DNM1L: variants seen among roughly 807,000 people sequenced by gnomAD.
The protein encoded by DNM1L is dynamin-1-like protein.
A neutral mutation model predicts 92.8 loss-of-function variants in DNM1L; 33 were observed. The ratio of observed to expected loss-of-function variants is 0.36; its 90% CI spans 0.27 to 0.48. The LOEUF is 0.48. Among genes scored for constraint, DNM1L ranks in the 20% least tolerant of loss-of-function variants. DNM1L has a pLI of 0.99. For synonymous variants in DNM1L, 284 were observed against 305.0 expected, an observed-to-expected ratio of 0.93 and a Z score of 0.72; for missense variants, 485 against 888.8, an observed-to-expected ratio of 0.55 and a Z score of 5.78.
chr12:32,733,314 G>A (rs1010345338), intron 12 of DNM1L: 4 of 216,982 alleles, frequency 1.8e-5, no homozygotes, highest in East Asian at 1.3e-4. Context: ...GCCTTGTTAC[G>A]AACTTATTTT....
At chr12:32,693,572 C>T (rs920287869) in intron 1 of DNM1L, among the ~76,000 whole-genome samples, 10 of 150,258 alleles carry the variant, frequency 6.7e-5, no homozygotes, top group African/African-American at 2.0e-4. Context: ...TACCCATTTA[C>T]AATGTGTAAT....
chr12:32,717,383 A>T (rs1269983682), intron 6 of DNM1L, among the ~76,000 whole-genome samples: 50 of 86,510 alleles, frequency 5.8e-4, no homozygotes, highest in African/African-American at 1.1e-3. Flanking sequence ...TACTATATAT[A>T]ATATATAGTA....
At chr12:32,689,307 ACTGT>A (rs1952141679) in intron 1 of DNM1L, among the ~76,000 whole-genome samples, 1 of 151,942 alleles carries the variant, frequency 6.6e-6, no homozygotes, top group Non-Finnish European at 1.5e-5. Flanking sequence ...AAGTGATTCT[ACTGT>A]CTCAGCTTCC....
At chr12:32,700,710 C>T (rs1365215350) in intron 1 of DNM1L, among the ~76,000 whole-genome samples, 3 of 152,046 alleles carry the variant, frequency 2.0e-5, no homozygotes, top group Non-Finnish European at 1.5e-5. Context: ...CACACCACTG[C>T]ACTCTAGCCT....
intron 16 of DNM1L, among the ~76,000 whole-genome samples, chr12:32,738,920 T>TTC (rs1275824700): frequency 6.6e-6 from 1 of 152,214 alleles, no homozygotes; most frequent in East Asian, 1.9e-4. Context: ...ATGTCTTATC[T>TTC]TCTCTCAGCC....
In DNM1L at chr12:32,743,692, G is replaced by A. The variant is rs1955472582; in HGVS notation, c.*282G>A. On this transcript the variant is annotated 3_prime_UTR_variant, in exon 20 of 20. Coordinates refer to ENST00000549701, the MANE Select transcript of DNM1L (RefSeq NM_012062.5). ...ACTTAACTTAAAAACAACTGTTAAT[G>A]TTCTAGTTGTGCAAAGCAGTTTGCC... The A allele has an allele frequency of 9.1e-6, 4 of 438,128 alleles. No individual in the cohort carries two copies. Among genetic ancestry groups the A allele is most frequent in the Non-Finnish European group, 1.7e-5 (4 of 241,500 alleles). The allele number at this position is 438,128 out of a possible 1,614,324, so 27.1% of individuals were successfully genotyped here.
intron 9 of DNM1L, among the ~76,000 whole-genome samples, chr12:32,729,610 T>C (rs1045255188): frequency 7.2e-5 from 11 of 151,974 alleles, no homozygotes; most frequent in Admixed American, 7.2e-4. Context: ...CCACCACACC[T>C]GGCTAATTTT....
chr12:32,736,397 G>A (rs555645357), intron 13 of DNM1L, among the ~76,000 whole-genome samples: 4 of 152,088 alleles, frequency 2.6e-5, no homozygotes, highest in African/African-American at 9.6e-5. Flanking sequence ...TACCTATCTT[G>A]GTGCTTGGAT....
At chr12:32,737,388 ATTT>A in intron 14 of DNM1L, 1 of 456,034 alleles carries the variant, frequency 2.2e-6, no homozygotes, top group Non-Finnish European at 3.8e-6. Flanking sequence ...TTAAGCATTT[ATTT>A]AAGCATTTAA....
rs766940045 is a variant in DNM1L, at chr12:32,705,898, TC to T, written c.251-1468del. On this transcript the variant is annotated intron_variant, in intron 2 of 19. Transcript: ENST00000549701. Reference sequence around the variant, plus strand: ...ATCCATTTGCTTTTGACCCTTTTTTTCTCTTATGCCTGCATGTGTGCTTATG... The same window carrying T: ...ATCCATTTGCTTTTGACCCTTTTTTTTCTTATGCCTGCATGTGTGCTTATG... The T allele has an allele frequency of 8.2e-6, 13 of 1,585,652 alleles. No individual in the cohort carries two copies. In the Admixed American group the frequency reaches 1.2e-4, roughly 14 times the overall value.
chr12:32,708,625 T>C (rs948044605), intron 4 of DNM1L, among the ~76,000 whole-genome samples: 2 of 152,120 alleles, frequency 1.3e-5, no homozygotes, highest in African/African-American at 4.8e-5. Context: ...GAGGAGTTCT[T>C]TTCTTACCTG....
intron 9 of DNM1L, chr12:32,727,539 C>T: frequency 1.8e-6 from 1 of 558,480 alleles, no homozygotes; most frequent in Non-Finnish European, 3.2e-6. Context: ...GAAAAAAAAA[C>T]CACTCTTAAT....
intron 1 of DNM1L, among the ~76,000 whole-genome samples, chr12:32,694,636 A>G (rs556873745): frequency 2.5e-4 from 38 of 152,166 alleles, no homozygotes; most frequent in Non-Finnish European, 5.1e-4. Flanking sequence ...AGTTTCCTAA[A>G]TATCTATATG....
chr12:32,707,291 A>T (rs1465840494), intron 2 of DNM1L, 76 bp from the exon 3 acceptor site: 2 of 1,182,402 alleles, frequency 1.7e-6, no homozygotes, highest in Non-Finnish European at 1.2e-6. Context: ...GTGTTTTATT[A>T]TGTTGCCTTT....
Position 32,731,105 on chromosome 12 carries a change from G to T in DNM1L, c.1171G>T (p.Asp391Tyr). 6.2e-7 allele frequency: 1 copy of T among 1,613,892 alleles called. No homozygotes were observed. The highest frequency in any genetic ancestry group is 1.1e-5 in the South Asian group (1 of 91,040). ...TCCACTTGGTGGCCTTAACACTATT[G>T]ACATTTTGACTGCCATTAGAAATGC... ...VDPLGGLNTI[D>Y]ILTAIRNATG... Residue 391 changes from aspartate to tyrosine, a missense_variant, in exon 10 of 20, where the codon GAC becomes TAC. By Grantham distance (160) the Asp-to-Tyr change is radical (BLOSUM62 -3). This residue lies in a region of DNM1L where 19 missense variants were observed against 22.1 expected (regional missense o/e 0.86). Transcript: ENST00000549701. The surrounding 1 kb of genome is among the most constrained non-coding windows in gnomAD (Gnocchi z 5.1).
At chr12:32,711,952 CTAATT>C (rs1953140913) in intron 5 of DNM1L, among the ~76,000 whole-genome samples, 1 of 152,186 alleles carries the variant, frequency 6.6e-6, no homozygotes, top group Non-Finnish European at 1.5e-5. Flanking sequence ...ATCCTTGACA[CTAATT>C]TATCCCACAT....
At chr12:32,684,443 C>G (rs1951917364) in intron 1 of DNM1L, among the ~76,000 whole-genome samples, 2 of 151,444 alleles carry the variant, frequency 1.3e-5, no homozygotes, top group Non-Finnish European at 2.9e-5. Flanking sequence ...GTGATTTGAT[C>G]TTTTGTGCCA....
At position 32,716,446 on chromosome 12, in the gene DNM1L, C is replaced by G. The variant is rs546626018; in HGVS notation, c.620-2197C>G. On this transcript the variant is annotated intron_variant, in intron 6 of 19. Transcript: ENST00000549701. Reference sequence around the variant, plus strand: ...ACCTGGGCTCAGGTGATTCTCCCACCTCAGCCTCACCTGTAGCTAGGACTA... The same window carrying G: ...ACCTGGGCTCAGGTGATTCTCCCACGTCAGCCTCACCTGTAGCTAGGACTA... Among the ~76,000 whole-genome samples, 4 of 152,206 alleles carry G rather than the reference C, an allele frequency of 2.6e-5. No homozygotes were observed. The South Asian group carries it at 8.3e-4, about 32-fold the overall frequency.
chr12:32,725,205 C>T (rs1183732197), intron 9 of DNM1L: 2 of 151,964 alleles, frequency 1.3e-5, no homozygotes, highest in African/African-American at 4.8e-5. Context: ...TCTCCTTCTA[C>T]CTGAATTGGT....
Sources: gnomAD v4.1 joint callset for allele counts (sites outside exome capture counted in the v4.1 genomes callset) on GRCh38, gnomAD v4.1.1 for gene constraint, gnomAD v4.1.1 regional missense constraint, Gnocchi (gnomAD v3.1) non-coding constraint, MANE v1.5 for transcripts, NCBI Gene and HGNC (gene_info 2026-07-23, HGNC 2026-07-21) for gene names.